Variants in HAPLN1 observed in about 807,000 individuals in gnomAD.
The protein encoded by HAPLN1 is Cartilage link protein.
Under a neutral mutation model 36.5 loss-of-function variants are expected in HAPLN1, and 13 were observed. The observed-to-expected ratio is 0.36, with a 90% CI of 0.23 to 0.57. The LOEUF is 0.57. Among genes scored for constraint, HAPLN1 ranks in the 20% least tolerant of loss-of-function variants. The probability of loss-of-function intolerance (pLI) is 0.83; values close to 1 mark genes in which losing one functional copy is unlikely to be tolerated. For missense variants in HAPLN1, 407 were observed against 439.7 expected (o/e 0.93, Z 0.66); for synonymous variants, 202 against 169.8 (o/e 1.19, Z -1.48).
chr5:83,698,163 A>G (rs1456701428), intron 1 of HAPLN1, among the ~76,000 whole-genome samples: 3 of 152,088 alleles, frequency 2.0e-5, no homozygotes, highest in Non-Finnish European at 2.9e-5. Context: ...TTTAGTCTTC[A>G]ATCTATTTTG....
At chr5:83,692,961 G>T (rs1313867982) in intron 1 of HAPLN1, among the ~76,000 whole-genome samples, 1 of 151,862 alleles carries the variant, frequency 6.6e-6, no homozygotes, top group Non-Finnish European at 1.5e-5. Flanking sequence ...AAGACACCCA[G>T]TGGATGTTTG....
intron 3 of HAPLN1, among the ~76,000 whole-genome samples, chr5:83,647,090 A>G (rs906968164): frequency 2.0e-5 from 3 of 152,084 alleles, no homozygotes; most frequent in African/African-American, 7.2e-5. Flanking sequence ...ATTTTGGTGG[A>G]CTCTCATAAA....
intron 1 of HAPLN1, among the ~76,000 whole-genome samples, chr5:83,689,290 T>G (rs1299048297): frequency 6.6e-6 from 1 of 152,164 alleles, no homozygotes; most frequent in Non-Finnish European, 1.5e-5. Context: ...ATGACTGTTC[T>G]CCTTGCCAAA....
At chr5:83,713,369 G>C (rs2112640637) in intron 1 of HAPLN1, among the ~76,000 whole-genome samples, 1 of 152,278 alleles carries the variant, frequency 6.6e-6, no homozygotes, top group South Asian at 2.1e-4. Context: ...AAACATTGCT[G>C]TTATCCAACT....
intron 2 of HAPLN1, among the ~76,000 whole-genome samples, chr5:83,658,901 T>C (rs1750300749): frequency 6.6e-6 from 1 of 152,170 alleles, no homozygotes; most frequent in African/African-American, 2.4e-5. Flanking sequence ...ATCTTGAGTC[T>C]CTAGAAAGGA....
At chr5:83,704,600 C>A (rs1751585883) in intron 1 of HAPLN1, among the ~76,000 whole-genome samples, 1 of 152,148 alleles carries the variant, frequency 6.6e-6, no homozygotes, top group Non-Finnish European at 1.5e-5. Flanking sequence ...GCAGGAGCTG[C>A]AATCCTAATT....
chr5:83,660,515 G>T (rs1490032665), intron 2 of HAPLN1, among the ~76,000 whole-genome samples: 1 of 152,086 alleles, frequency 6.6e-6, no homozygotes, highest in Non-Finnish European at 1.5e-5. Context: ...GCTCTAGGAA[G>T]TCAACTGAAC....
chr5:83,698,862 C>T (rs966517723), intron 1 of HAPLN1, among the ~76,000 whole-genome samples: 1 of 152,154 alleles, frequency 6.6e-6, no homozygotes, highest in African/African-American at 2.4e-5. Context: ...ATTTGAACTT[C>T]ATCAGCATGG....
In HAPLN1 at chr5:83,720,772, CA is replaced by C. The variant is rs1313561123; in HGVS notation, c.-27+16del. ...AAGGTATAACCAAAAGAGGGGGAAA[CA>C]ATTTGCAAGTTTTACCTTGTCCTGA... On this transcript the variant is annotated intron_variant, in intron 1 of 4. Transcript: ENST00000274341. 6 of 152,146 alleles carry C rather than the reference CA, an allele frequency of 3.9e-5. No homozygotes were observed. The highest frequency in any genetic ancestry group is 1.4e-4 in the African/African-American group (6 of 41,426). 9.4% of individuals were successfully genotyped at this position (152,146 alleles called of 1,614,324 possible). A position where few individuals can be genotyped will look rare whatever the true frequency, so the allele number is the denominator to read the frequency against.
At chr5:83,716,501 C>T (rs192317810) in intron 1 of HAPLN1, among the ~76,000 whole-genome samples, 14 of 152,308 alleles carry the variant, frequency 9.2e-5, no homozygotes, top group African/African-American at 3.4e-4. Context: ...TAGTCAGCAA[C>T]ATTTGATACT....
At chr5:83,654,882 A>G (rs944065413) in intron 2 of HAPLN1, among the ~76,000 whole-genome samples, 2 of 152,124 alleles carry the variant, frequency 1.3e-5, no homozygotes, top group Non-Finnish European at 1.5e-5. Context: ...TAATTTCCTT[A>G]TATGTGAATT....
At position 83,692,666 on chromosome 5, in the gene HAPLN1, A is replaced by G. The variant is rs534500065; in HGVS notation, c.-26-19117T>C. ...GAAGAAAAATGATAACAGTTGGTAA[A>G]CTGGATTTATGCAAAGAATGAAGAG... On this transcript the variant is annotated intron_variant, in intron 1 of 4. Transcript: ENST00000274341. Among the ~76,000 whole-genome samples, 155 of 152,100 alleles carry G rather than the reference A, an allele frequency of 1.0e-3. 1 individual carries two copies. The highest frequency in any genetic ancestry group is 3.6e-3 in the African/African-American group (150 of 41,588).
At chr5:83,698,203 A>C (rs1751435554) in intron 1 of HAPLN1, among the ~76,000 whole-genome samples, 2 of 152,086 alleles carry the variant, frequency 1.3e-5, no homozygotes, top group Non-Finnish European at 2.9e-5. Flanking sequence ...TGTGAGGTAG[A>C]GTCCAACTTC....
At chr5:83,673,284 G>A (rs1750774537) in intron 2 of HAPLN1, 140 bp downstream of exon 2, 3 of 599,814 alleles carry the variant, frequency 5.0e-6, no homozygotes, top group Non-Finnish European at 8.7e-6. Flanking sequence ...AAAAGCCAGG[G>A]AACACGTTCA....
chr5:83,714,186 G>A (rs1356091666), intron 1 of HAPLN1, among the ~76,000 whole-genome samples: 1 of 152,032 alleles, frequency 6.6e-6, no homozygotes, highest in African/African-American at 2.4e-5. Flanking sequence ...GAATAATGCA[G>A]GCTAATGACC....
At chr5:83,718,354 T>C (rs1024406274) in intron 1 of HAPLN1, among the ~76,000 whole-genome samples, 1 of 152,162 alleles carries the variant, frequency 6.6e-6, no homozygotes, top group African/African-American at 2.4e-5. Context: ...TCAGAGTATT[T>C]TAAGAAGCCG....
At chr5:83,690,611 A>G (rs898317939) in intron 1 of HAPLN1, among the ~76,000 whole-genome samples, 11 of 152,108 alleles carry the variant, frequency 7.2e-5, no homozygotes, top group African/African-American at 2.6e-4. Context: ...AATGGGTTTT[A>G]TATATTTAAA....
rs77558983 is a variant in HAPLN1, at chr5:83,700,445, G to C, written c.-27+20344C>G. On this transcript the variant is annotated intron_variant, in intron 1 of 4. Coordinates refer to ENST00000274341, the MANE Select transcript of HAPLN1 (RefSeq NM_001884.4). ...TATTATTATGCAGAAGTCACATACTGTTCACCTCTCATCCTCACCATGGAC... is the reference window on the plus strand; with the variant it reads ...TATTATTATGCAGAAGTCACATACTCTTCACCTCTCATCCTCACCATGGAC... Among the ~76,000 whole-genome samples, 831 of 152,148 alleles carry C rather than the reference G, an allele frequency of 5.5e-3. 15 individuals are homozygous for C. Among genetic ancestry groups the C allele is most frequent in the South Asian group, 0.046 (220 of 4,808 alleles).
At chr5:83,643,353 TAAAAAAA>T (rs79459806) in intron 4 of HAPLN1, among the ~76,000 whole-genome samples, 9 of 111,820 alleles carry the variant, frequency 8.0e-5, no homozygotes, top group African/African-American at 2.9e-4. Context: ...TACCCTGTCT[TAAAAAAA>T]AAAAAAAAAA....
Sources: gnomAD v4.1 joint callset for allele counts (sites outside exome capture counted in the v4.1 genomes callset) on GRCh38, gnomAD v4.1.1 for gene constraint, MANE v1.5 for transcripts, NCBI Gene and HGNC (gene_info 2026-07-23, HGNC 2026-07-21) for gene names.